Variants in FBXW8 observed in about 807,000 individuals in gnomAD.
FBXW8 encodes F-box and WD repeat domain containing 8.
A neutral mutation model predicts 65.3 loss-of-function variants in FBXW8; 57 were observed. That is an observed-to-expected ratio of 0.87 (90% confidence interval 0.71 to 1.09). The LOEUF (loss-of-function observed/expected upper bound fraction) is 1.09, where lower values mean the gene tolerates loss of function less well. Ranked by LOEUF, FBXW8 falls within the 50% of genes least tolerant of loss-of-function variation. FBXW8 has a pLI of 0.00. For synonymous variants in FBXW8, 308 were observed against 330.2 expected, an observed-to-expected ratio of 0.93 and a Z score of 0.73; for missense variants, 777 against 814.8, an observed-to-expected ratio of 0.95 and a Z score of 0.57.
intron 5 of FBXW8, among the ~76,000 whole-genome samples, chr12:116,984,720 T>C (rs1209908377): frequency 1.3e-5 from 2 of 152,206 alleles, no homozygotes; most frequent in African/African-American, 2.4e-5. Flanking sequence ...ACCAGGTACG[T>C]TGGCTCACAC....
chr12:116,977,660 A>G (rs1357977057), intron 5 of FBXW8: 1 of 152,086 alleles, frequency 6.6e-6, no homozygotes, highest in Non-Finnish European at 1.5e-5. Flanking sequence ...TCATGTGTAT[A>G]TCGGTTATAG....
intron 5 of FBXW8, among the ~76,000 whole-genome samples, chr12:116,981,783 T>C (rs914820705): frequency 1.3e-5 from 2 of 152,066 alleles, no homozygotes; most frequent in African/African-American, 2.4e-5. Context: ...CTGGCTAATT[T>C]TTGTATTTTT....
Position 117,028,296 on chromosome 12 carries a change from G to A in FBXW8, c.*124G>A. ...GGAAGAAAGCAGCCCAGGGTGCCAT[G>A]CCTGACAGCACGCATCTCCCTGACC... is the stretch of plus-strand genomic sequence containing the variant. On this transcript the variant is annotated 3_prime_UTR_variant, in exon 11 of 11. Coordinates refer to ENST00000652555, the MANE Select transcript of FBXW8 (RefSeq NM_153348.3). The surrounding 1 kb of genome is among the most constrained non-coding windows in gnomAD (Gnocchi z 4.1). 4 of 1,212,382 alleles carry A rather than the reference G, an allele frequency of 3.3e-6. No individual in the cohort carries two copies. Among genetic ancestry groups the A allele is most frequent in the Non-Finnish European group, 2.3e-6 (2 of 870,986 alleles). The allele number at this position is 1,212,382 out of a possible 1,614,324, so 75.1% of individuals were successfully genotyped here. A position where few individuals can be genotyped will look rare whatever the true frequency, so the allele number is the denominator to read the frequency against.
chr12:116,921,854 C>A (rs1880934110), intron 1 of FBXW8, among the ~76,000 whole-genome samples: 1 of 118,414 alleles, frequency 8.4e-6, no homozygotes, highest in Admixed American at 1.0e-4. Context: ...TTTAGACAGG[C>A]TCTCTCTCGC....
At position 116,993,323 on chromosome 12, in the gene FBXW8, C is replaced by T. The variant is rs113385678; in HGVS notation, c.1239+4454C>T. Among the ~76,000 whole-genome samples, 916 of 151,940 alleles carry T rather than the reference C, an allele frequency of 6.0e-3. 4 individuals carry two copies. The highest frequency in any genetic ancestry group is 9.9e-3 in the Admixed American group (151 of 15,250). ...TTCACCATGTTGGCCAGGCTGGTCT[C>T]GAACTCCTGACCTCGTGATCTGCCT... On this transcript the variant is annotated intron_variant, in intron 7 of 10. Transcript: ENST00000652555.
chr12:116,949,355 A>G, intron 3 of FBXW8: 1 of 470,444 alleles, frequency 2.1e-6, no homozygotes, highest in South Asian at 2.7e-5. Context: ...TCTATTCTGT[A>G]ACCTCCTGGA....
At chr12:116,949,738 C>G (rs751213188) in intron 4 of FBXW8, 32 bp downstream of exon 4, 1 of 1,595,736 alleles carries the variant, frequency 6.3e-7, no homozygotes. Context: ...GAGTGCTCTG[C>G]ATCTGAAGGT....
chr12:116,929,098 G>A (rs1157580486), intron 2 of FBXW8, among the ~76,000 whole-genome samples: 6 of 152,102 alleles, frequency 3.9e-5, no homozygotes, highest in South Asian at 2.1e-4. Flanking sequence ...GAGCCACCGC[G>A]CCCGGCCCCA....
At chr12:116,960,642 A>G (rs1470331766) in intron 4 of FBXW8, among the ~76,000 whole-genome samples, 1 of 152,140 alleles carries the variant, frequency 6.6e-6, no homozygotes, top group African/African-American at 2.4e-5. Context: ...CATCATTACC[A>G]TTGGAAAGTG....
chr12:116,984,500 C>T lies in FBXW8; in HGVS notation c.836-706C>T, dbSNP rs557663644. Among the ~76,000 whole-genome samples, 320 of 152,274 alleles carry T rather than the reference C, an allele frequency of 2.1e-3. 1 individual carries two copies. The highest frequency in any genetic ancestry group is 6.8e-3 in the Middle Eastern group (2 of 294). ...GTGCAAAATAAAGCACTGCTGCTAA[C>T]AGAGGCTTTAGGAGGATGGCGCTGA... On this transcript the variant is annotated intron_variant, in intron 5 of 10. Coordinates refer to ENST00000652555, the MANE Select transcript of FBXW8 (RefSeq NM_153348.3).
At chr12:117,008,827 G>T (rs940176175) in intron 7 of FBXW8, among the ~76,000 whole-genome samples, 2 of 152,240 alleles carry the variant, frequency 1.3e-5, no homozygotes, top group Non-Finnish European at 2.9e-5. Flanking sequence ...GAGGCCAGGC[G>T]TGCTGGCTCA....
intron 7 of FBXW8, among the ~76,000 whole-genome samples, chr12:116,994,917 G>T (rs1401889073): frequency 6.6e-6 from 1 of 152,286 alleles, no homozygotes; most frequent in Admixed American, 6.5e-5. Context: ...CCATGATTTT[G>T]ATAGACATTG....
At chr12:116,984,327 C>T (rs1033673228) in intron 5 of FBXW8, among the ~76,000 whole-genome samples, 3 of 152,080 alleles carry the variant, frequency 2.0e-5, no homozygotes, top group South Asian at 2.1e-4. Flanking sequence ...CTGATGCTAC[C>T]GGTCTGGAAA....
chr12:117,018,114 C>T (rs1310418520), intron 8 of FBXW8, among the ~76,000 whole-genome samples: 1 of 152,102 alleles, frequency 6.6e-6, no homozygotes, highest in Non-Finnish European at 1.5e-5. Context: ...GATGGATGCT[C>T]CTCTGTTGGA....
At chr12:116,973,861 CAAAAT>C (rs1038626495) in intron 5 of FBXW8, among the ~76,000 whole-genome samples, 1 of 151,992 alleles carries the variant, frequency 6.6e-6, no homozygotes. Flanking sequence ...TTGAAAGTTT[CAAAAT>C]AAAAAGATAA....
intron 8 of FBXW8, 113 bp from the exon 9 acceptor site, chr12:117,024,034 G>A (rs1954163365): frequency 9.4e-7 from 1 of 1,067,214 alleles, no homozygotes. Flanking sequence ...TGCAGCTGAG[G>A]AGTTTTTCAT....
chr12:116,929,928 G>A (rs141661825), intron 2 of FBXW8, among the ~76,000 whole-genome samples: 88 of 152,250 alleles, frequency 5.8e-4, no homozygotes, highest in African/African-American at 1.9e-3. Flanking sequence ...GTGAGATCAT[G>A]CAATATTTGT....
intron 3 of FBXW8, chr12:116,949,314 AT>A (rs1185901460): frequency 2.8e-6 from 1 of 352,984 alleles, no homozygotes; most frequent in East Asian, 5.4e-5. Flanking sequence ...CCTATTGTGG[AT>A]GGTAGTTATT....
chr12:116,953,430 TTA>T (rs1883411463), intron 4 of FBXW8, among the ~76,000 whole-genome samples: 1 of 152,180 alleles, frequency 6.6e-6, no homozygotes, highest in Admixed American at 6.5e-5. Context: ...GCTTTGGCTA[TTA>T]TAGCATCATT....
Sources: allele counts gnomAD v4.1 joint callset (sites outside exome capture counted in the v4.1 genomes callset), GRCh38; gene constraint gnomAD v4.1.1; non-coding constraint Gnocchi (gnomAD v3.1); transcripts MANE v1.5; gene names NCBI Gene and HGNC (gene_info 2026-07-23, HGNC 2026-07-21).